Variants in OPCML observed in about 807,000 individuals in gnomAD.
OPCML encodes opioid binding protein/cell adhesion molecule like.
OPCML carries 13 observed loss-of-function variants against 37.8 expected under a neutral mutation model. The ratio of observed to expected loss-of-function variants is 0.34; its 90% CI spans 0.22 to 0.55. OPCML has a LOEUF of 0.55. Ranked by LOEUF, OPCML falls within the 20% of genes least tolerant of loss-of-function variation. The pLI, the probability that OPCML is intolerant of heterozygous loss-of-function variation, is 0.91. For missense variants in OPCML, 341 were observed against 435.6 expected (o/e 0.78, Z 1.93); for synonymous variants, 176 against 168.8 (o/e 1.04, Z -0.33).
chr11:132,804,090 T>C (rs1450707527), intron 2 of OPCML, among the ~76,000 whole-genome samples: 1 of 152,162 alleles, frequency 6.6e-6, no homozygotes, highest in Non-Finnish European at 1.5e-5. Context: ...CTTCGGTCAG[T>C]AAAGAGCAGG....
chr11:132,463,300 G>A (rs1368352331), intron 4 of OPCML, among the ~76,000 whole-genome samples: 3 of 152,152 alleles, frequency 2.0e-5, no homozygotes, highest in Non-Finnish European at 2.9e-5. Context: ...ACAAAATAGT[G>A]TATTAAGGAC....
intron 1 of OPCML, among the ~76,000 whole-genome samples, chr11:133,454,266 T>G (rs1441965990): frequency 6.6e-6 from 1 of 152,220 alleles, no homozygotes; most frequent in Non-Finnish European, 1.5e-5. Context: ...GTCTCAGATC[T>G]GAATTACTAA....
intron 2 of OPCML, among the ~76,000 whole-genome samples, chr11:132,927,741 T>C (rs1393474650): frequency 6.6e-6 from 1 of 152,056 alleles, no homozygotes; most frequent in African/African-American, 2.4e-5. Flanking sequence ...GGATTTAAAA[T>C]ATAAAACTAT....
intron 1 of OPCML, chr11:133,421,643 T>C: frequency 1.0e-6 from 1 of 985,464 alleles, no homozygotes; most frequent in Non-Finnish European, 1.2e-6. Flanking sequence ...CACTCTTATT[T>C]TGTTTCTTTT....
Position 133,433,251 on chromosome 11 carries a change from CAAA to C in OPCML, c.61+99010_61+99012del, listed in dbSNP as rs71477795. Among the ~76,000 whole-genome samples the C allele has an allele frequency of 8.7e-4, 79 of 90,718 alleles. 1 individual carries two copies. Among genetic ancestry groups the C allele is most frequent in the African/African-American group, 2.9e-3 (63 of 21,838 alleles). 59.5% of individuals were successfully genotyped at this position (90,718 alleles called of 152,430 possible). ...TGGGCGACAGAGCGAGACTCCGTCTCAAAAAAAAAAAAAAAAAAATATTACTGA... is the reference window on the plus strand; with the variant it reads ...TGGGCGACAGAGCGAGACTCCGTCTCAAAAAAAAAAAAAAAATATTACTGA... On this transcript the variant is annotated intron_variant, in intron 1 of 7. Coordinates refer to ENST00000524381, the MANE Select transcript of OPCML (RefSeq NM_001012393.5).
chr11:132,952,365 G>A (rs1945878520), intron 1 of OPCML, among the ~76,000 whole-genome samples: 1 of 152,172 alleles, frequency 6.6e-6, no homozygotes, highest in Admixed American at 6.5e-5. Flanking sequence ...CACTTTGGAT[G>A]AGACACAAGT....
At chr11:133,414,956 C>G (rs1945728497) in intron 1 of OPCML, among the ~76,000 whole-genome samples, 1 of 152,092 alleles carries the variant, frequency 6.6e-6, no homozygotes, top group Non-Finnish European at 1.5e-5. Context: ...TGGTGCCCAG[C>G]ACAGGGGAAT....
intron 1 of OPCML, among the ~76,000 whole-genome samples, chr11:133,200,927 A>T (rs749108816): frequency 6.6e-6 from 1 of 152,218 alleles, no homozygotes; most frequent in Non-Finnish European, 1.5e-5. Flanking sequence ...TGGTACATAC[A>T]CACTATGGAA....
intron 2 of OPCML, among the ~76,000 whole-genome samples, chr11:132,737,125 G>T (rs1468409911): frequency 6.6e-6 from 1 of 152,104 alleles, no homozygotes; most frequent in Admixed American, 6.6e-5. Context: ...AAAATAAAAA[G>T]AACAGACTGC....
At chr11:132,792,947 A>C (rs976802809) in intron 2 of OPCML, among the ~76,000 whole-genome samples, 5 of 152,156 alleles carry the variant, frequency 3.3e-5, no homozygotes, top group Non-Finnish European at 5.9e-5. Context: ...TCCTGACAGG[A>C]CTCACATTTC....
At chr11:132,462,323 C>A (rs1157723654) in intron 4 of OPCML, among the ~76,000 whole-genome samples, 2 of 152,268 alleles carry the variant, frequency 1.3e-5, no homozygotes, top group South Asian at 2.1e-4. Context: ...CCTACCATAT[C>A]TCTCAGGATG....
At chr11:133,356,679 TA>T (rs746678076) in intron 1 of OPCML, among the ~76,000 whole-genome samples, 1 of 152,206 alleles carries the variant, frequency 6.6e-6, no homozygotes, top group African/African-American at 2.4e-5. Flanking sequence ...TCAGCCCCTC[TA>T]AATAGCTTTA....
intron 1 of OPCML, among the ~76,000 whole-genome samples, chr11:133,320,599 C>T (rs924132849): frequency 6.6e-6 from 1 of 152,204 alleles, no homozygotes; most frequent in African/African-American, 2.4e-5. Context: ...TAAAAGAAAG[C>T]TAATGAATTT....
chr11:133,458,345 TAC>T (rs1465073782), intron 1 of OPCML, among the ~76,000 whole-genome samples: 3 of 9,976 alleles, frequency 3.0e-4, no homozygotes, highest in Admixed American at 2.0e-3. Context: ...TACACATATA[TAC>T]ACGTGTGTGT....
intron 3 of OPCML, among the ~76,000 whole-genome samples, chr11:132,631,186 T>A (rs1940081064): frequency 6.6e-6 from 1 of 151,906 alleles, no homozygotes; most frequent in South Asian, 2.1e-4. Context: ...TGAAGGAAAG[T>A]TATGAGAGAA....
At chr11:132,835,971 T>C (rs1345246306) in intron 2 of OPCML, among the ~76,000 whole-genome samples, 1 of 152,186 alleles carries the variant, frequency 6.6e-6, no homozygotes, top group Non-Finnish European at 1.5e-5. Context: ...ATGTTCTCTA[T>C]CCTTTGGTTT....
intron 2 of OPCML, among the ~76,000 whole-genome samples, chr11:132,877,860 A>T (rs1943078458): frequency 6.6e-6 from 1 of 152,234 alleles, no homozygotes; most frequent in South Asian, 2.1e-4. Flanking sequence ...CCATATGGTC[A>T]TAGGAACATT....
intron 1 of OPCML, among the ~76,000 whole-genome samples, chr11:133,450,298 T>C (rs1946555610): frequency 6.6e-6 from 1 of 151,730 alleles, no homozygotes. Context: ...AGAGTAGTTA[T>C]TCTCAGGTAT....
chr11:132,711,611 C>T (rs997462684), intron 2 of OPCML, among the ~76,000 whole-genome samples: 2 of 152,134 alleles, frequency 1.3e-5, no homozygotes, highest in African/African-American at 4.8e-5. Flanking sequence ...TTTGAGGTAG[C>T]ATTCACTGTG....
Sources: allele counts gnomAD v4.1 joint callset (sites outside exome capture counted in the v4.1 genomes callset), GRCh38; gene constraint gnomAD v4.1.1; transcripts MANE v1.5; gene names NCBI Gene and HGNC (gene_info 2026-07-23, HGNC 2026-07-21).